The following RANBP2 variants were observed in gnomAD, a reference collection of about 807,000 sequenced individuals.
RANBP2 encodes the protein RAN binding protein 2.
RANBP2 carries 57 observed loss-of-function variants against 303.6 expected under a neutral mutation model. That is an observed-to-expected ratio of 0.19 (90% CI 0.15 to 0.23). The LOEUF (loss-of-function observed/expected upper bound fraction) is 0.23, where lower values mean the gene tolerates loss of function less well. Ranked by LOEUF, RANBP2 falls within the 10% of genes least tolerant of loss-of-function variation. RANBP2 has a pLI of 1.00. For synonymous variants in RANBP2, 1,167 were observed against 1,301.5 expected, an observed-to-expected ratio of 0.90 and a Z score of 2.23; for missense variants, 3,138 against 3,780.8, an observed-to-expected ratio of 0.83 and a Z score of 4.46.
the RANBP2 span, among the ~76,000 whole-genome samples, chr2:109,077,749 C>G: frequency 2.0e-5 from 3 of 149,862 alleles, no homozygotes; most frequent in Non-Finnish European, 4.5e-5. Flanking sequence ...CAAATCAAAA[C>G]TAGAATGAGA....
the RANBP2 span, among the ~76,000 whole-genome samples, chr2:109,454,452 C>T: frequency 6.6e-6 from 1 of 152,170 alleles, no homozygotes; most frequent in Non-Finnish European, 1.5e-5. Context: ...GAGTGGTGCT[C>T]CTTGCCTCCT....
At chr2:108,954,205 CT>C in the RANBP2 span, among the ~76,000 whole-genome samples, 1 of 152,090 alleles carries the variant, frequency 6.6e-6, no homozygotes, top group Non-Finnish European at 1.5e-5. Context: ...ATGTTATGTC[CT>C]AGATCATTTT....
intron 22 of RANBP2, 41 bp downstream of exon 22, chr2:108,772,622 G>A (rs1285268156): frequency 2.6e-6 from 4 of 1,547,850 alleles, no homozygotes; most frequent in African/African-American, 1.4e-5. Context: ...CTTTTAACAA[G>A]TCTTCTATTT....
At chr2:109,606,074 C>CA in the RANBP2 span, among the ~76,000 whole-genome samples, 8 of 152,088 alleles carry the variant, frequency 5.3e-5, no homozygotes, top group Admixed American at 6.6e-5. Context: ...GCATCTCATC[C>CA]AAAAAACTAG....
chr2:108,734,434 G>A (rs924209432), intron 4 of RANBP2, among the ~76,000 whole-genome samples: 1 of 151,378 alleles, frequency 6.6e-6, no homozygotes, highest in Non-Finnish European at 1.5e-5. Context: ...AATGAAATCA[G>A]TTAGCTTGGG....
the RANBP2 span, among the ~76,000 whole-genome samples, chr2:109,194,402 A>T: frequency 6.6e-6 from 1 of 151,954 alleles, no homozygotes; most frequent in Non-Finnish European, 1.5e-5. Flanking sequence ...CTGGGCCTCA[A>T]CCCCTGCCAT....
the RANBP2 span, among the ~76,000 whole-genome samples, chr2:109,238,681 A>T: frequency 2.6e-5 from 4 of 152,266 alleles, no homozygotes; most frequent in South Asian, 8.3e-4. Flanking sequence ...TGCTCACAGG[A>T]TGGCCTCACT....
At chr2:109,544,640 G>A in the RANBP2 span, 3 of 930,618 alleles carry the variant, frequency 3.2e-6, no homozygotes, top group Non-Finnish European at 3.8e-6. Flanking sequence ...AGTAACACTG[G>A]GTTAAGATGA....
At chr2:109,550,416 G>A in the RANBP2 span, among the ~76,000 whole-genome samples, 8 of 151,648 alleles carry the variant, frequency 5.3e-5, no homozygotes, top group Non-Finnish European at 2.9e-5. Context: ...GTGTTCAGGC[G>A]ATTCTCCTGC....
chr2:109,141,194 G>A, the RANBP2 span, among the ~76,000 whole-genome samples: 2 of 152,200 alleles, frequency 1.3e-5, no homozygotes, highest in Non-Finnish European at 2.9e-5. Flanking sequence ...CTTCTGTGCA[G>A]TTTCTGGCTC....
chr2:109,527,898 G>A, the RANBP2 span, among the ~76,000 whole-genome samples: 15 of 152,230 alleles, frequency 9.9e-5, no homozygotes, highest in Non-Finnish European at 1.9e-4. Context: ...TAACGACTGA[G>A]GAGCCAGGGA....
chr2:109,465,130 A>G, the RANBP2 span, among the ~76,000 whole-genome samples: 2 of 152,166 alleles, frequency 1.3e-5, no homozygotes, highest in Non-Finnish European at 2.9e-5. Context: ...CGTTTCCTCC[A>G]TGTCTTCTCA....
At chr2:108,792,789 G>A in the RANBP2 span, among the ~76,000 whole-genome samples, 875 of 152,350 alleles carry the variant, frequency 5.7e-3, 5 homozygotes, top group Non-Finnish European at 9.8e-3. Flanking sequence ...CGTCGGCCAG[G>A]CGCGGTGGCT....
the RANBP2 span, among the ~76,000 whole-genome samples, chr2:108,794,000 G>A: frequency 6.6e-6 from 1 of 152,154 alleles, no homozygotes; most frequent in Non-Finnish European, 1.5e-5. Flanking sequence ...ATAGGAGGAT[G>A]CTGTATACAG....
At chr2:109,733,508 C>G in the RANBP2 span, among the ~76,000 whole-genome samples, 1 of 151,996 alleles carries the variant, frequency 6.6e-6, no homozygotes, top group Non-Finnish European at 1.5e-5. Context: ...CCCCTTAAGA[C>G]AAGGGACAAG....
At chr2:109,008,590 TA>T in the RANBP2 span, among the ~76,000 whole-genome samples, 2,596 of 145,354 alleles carry the variant, frequency 0.018, 27 homozygotes, top group South Asian at 0.038. Context: ...AAGAAAAGGG[TA>T]AAAAAAAAAA....
At chr2:109,432,805 GC>G in the RANBP2 span, 23 of 1,230,170 alleles carry the variant, frequency 1.9e-5, no homozygotes, top group East Asian at 5.5e-4. Flanking sequence ...CCAGGGTTCA[GC>G]CCCCACTGGC....
the RANBP2 span, among the ~76,000 whole-genome samples, chr2:108,862,484 A>G: frequency 6.6e-6 from 1 of 152,300 alleles, no homozygotes; most frequent in South Asian, 2.1e-4. Flanking sequence ...AACCTGTATA[A>G]TGTGGTGATT....
chr2:109,275,957 C>T, the RANBP2 span, among the ~76,000 whole-genome samples: 3 of 152,124 alleles, frequency 2.0e-5, no homozygotes, highest in Admixed American at 1.3e-4. Flanking sequence ...TTATAGCCCA[C>T]GTCATGTGCA....
Sources: allele counts gnomAD v4.1 joint callset (sites outside exome capture counted in the v4.1 genomes callset), GRCh38; gene constraint gnomAD v4.1.1; transcripts MANE v1.5; gene names NCBI Gene and HGNC (gene_info 2026-07-23, HGNC 2026-07-21).